Variants in GCH1 observed in about 807,000 individuals in gnomAD.
The protein encoded by GCH1 is GTP cyclohydrolase 1, also known as GTP cyclohydrolase I.
Under a neutral mutation model 25.9 loss-of-function variants are expected in GCH1, and 5 were observed. That is an observed-to-expected ratio of 0.19 (90% CI 0.10 to 0.41). The LOEUF (loss-of-function observed/expected upper bound fraction) is 0.41, where lower values mean the gene tolerates loss of function less well. Among genes scored for constraint, GCH1 ranks in the 10% least tolerant of loss-of-function variants. GCH1 has a pLI of 1.00. For missense variants in GCH1, 261 were observed against 336.5 expected, an observed-to-expected ratio of 0.78 and a Z score of 1.75; for synonymous variants, 159 against 129.6, an observed-to-expected ratio of 1.23 and a Z score of -1.54.
chr14:54,880,902 G>A (rs1338367564), intron 1 of GCH1, among the ~76,000 whole-genome samples: 4 of 146,000 alleles, frequency 2.7e-5, no homozygotes, highest in South Asian at 2.1e-4. Context: ...TCGGCTTACC[G>A]CAACCTCCAC....
Position 54,875,186 on chromosome 14 carries a change from G to A in GCH1, c.344-9750C>T, listed in dbSNP as rs576666343. On this transcript the variant is annotated intron_variant, in intron 1 of 5. Transcript: ENST00000491895. ...TAATGCCGCATATCTACAACCATCC[G>A]ATCTTTGACAAACCTGACAAAAACA... Among the ~76,000 whole-genome samples, 179 of 152,224 alleles carry A rather than the reference G, an allele frequency of 1.2e-3. 1 individual carries two copies. The highest frequency in any genetic ancestry group is 2.5e-3 in the Admixed American group (38 of 15,290).
chr14:54,844,878 A>G (rs1489336084), intron 5 of GCH1, among the ~76,000 whole-genome samples: 1 of 152,236 alleles, frequency 6.6e-6, no homozygotes, highest in African/African-American at 2.4e-5. Context: ...TCAAGAGAAG[A>G]CATAAAAATG....
At chr14:54,881,313 C>A (rs181456274) in intron 1 of GCH1, among the ~76,000 whole-genome samples, 5 of 152,244 alleles carry the variant, frequency 3.3e-5, no homozygotes, top group Admixed American at 6.5e-5. Flanking sequence ...GTGCTGCAAA[C>A]TCTTTCAAAA....
Position 54,843,544 on chromosome 14 carries a change from A to G in GCH1, c.*473T>C. ...GGTTTAATAAACATGACCAAAGTGA[A>G]GTCTGTTGAACTTGAATTCACAGAG... On this transcript the variant is annotated 3_prime_UTR_variant, in exon 6 of 6. Transcript: ENST00000491895. The G allele has an allele frequency of 7.4e-7, 1 of 1,354,672 alleles. No homozygotes were observed. Among genetic ancestry groups the G allele is most frequent in the Non-Finnish European group, 9.5e-7 (1 of 1,054,334 alleles). 83.9% of individuals were successfully genotyped at this position (1,354,672 alleles called of 1,614,324 possible).
At chr14:54,865,960 G>A (rs545741428) in intron 1 of GCH1, among the ~76,000 whole-genome samples, 3 of 152,148 alleles carry the variant, frequency 2.0e-5, no homozygotes, top group Non-Finnish European at 4.4e-5. Flanking sequence ...ATATATTGTA[G>A]GCTAGCATCA....
chr14:54,878,021 C>T (rs955597306), intron 1 of GCH1: 3 of 153,122 alleles, frequency 2.0e-5, no homozygotes, highest in Non-Finnish European at 2.9e-5. Flanking sequence ...TGCTGCTACA[C>T]AGAAACTTCA....
intron 3 of GCH1, among the ~76,000 whole-genome samples, chr14:54,849,489 T>C (rs997484344): frequency 8.5e-5 from 13 of 152,326 alleles, no homozygotes; most frequent in African/African-American, 2.9e-4. Flanking sequence ...TGCTGTTGCC[T>C]TTTAGATAAT....
At chr14:54,900,818 A>C (rs1279155461) in intron 1 of GCH1, among the ~76,000 whole-genome samples, 2 of 150,548 alleles carry the variant, frequency 1.3e-5, no homozygotes, top group African/African-American at 2.4e-5. Flanking sequence ...GGCCTTAAGA[A>C]GACATTTCAT....
chr14:54,891,749 T>C (rs1380957189), intron 1 of GCH1, among the ~76,000 whole-genome samples: 1 of 152,180 alleles, frequency 6.6e-6, no homozygotes, highest in Non-Finnish European at 1.5e-5. Context: ...ATTCTGAGTA[T>C]TGCGATGAAA....
At chr14:54,894,570 T>C (rs1323702858) in intron 1 of GCH1, among the ~76,000 whole-genome samples, 2 of 152,190 alleles carry the variant, frequency 1.3e-5, no homozygotes, top group African/African-American at 2.4e-5. Context: ...AGGCTTTGCT[T>C]GCTATAGTGA....
Position 54,902,481 on chromosome 14 carries a change from C to T in GCH1, c.183G>A (p.Glu61=), listed in dbSNP as rs1396115931. The T allele has an allele frequency of 6.2e-7, 1 of 1,611,226 alleles. No individual in the cohort carries two copies. The highest frequency in any genetic ancestry group is 8.5e-7 in the Non-Finnish European group (1 of 1,179,322). Reference sequence around the variant, plus strand: ...TAGGGAGGTTCAGCTCGTTATCCTCCTCGCTGCGGGGCCGCTCGCCCTTCC... The same window carrying T: ...TAGGGAGGTTCAGCTCGTTATCCTCTTCGCTGCGGGGCCGCTCGCCCTTCC... The part of the protein sequence containing the change: ...DGWKGERPRS[E]EDNELNLPNL... The change falls in exon 1 of 6, where the codon GAG becomes GAA. Residue 61 remains glutamate, a synonymous_variant. Coordinates refer to ENST00000491895, the MANE Select transcript of GCH1 (RefSeq NM_000161.3).
intron 1 of GCH1, among the ~76,000 whole-genome samples, chr14:54,867,612 A>G (rs1203433127): frequency 6.6e-6 from 1 of 150,896 alleles, no homozygotes; most frequent in Admixed American, 6.6e-5. Flanking sequence ...AAAAAAAAAA[A>G]AAGATCTGGC....
chr14:54,879,984 CAAAAAAAAAAAAA>C (rs35476604), intron 1 of GCH1, among the ~76,000 whole-genome samples: 2 of 49,610 alleles, frequency 4.0e-5, no homozygotes, highest in Non-Finnish European at 7.8e-5. Context: ...GGCTCTGTCT[CAAAAAAAAAAAAA>C]AAAAAAAAAA....
At chr14:54,884,752 A>G (rs2040323487) in intron 1 of GCH1, 1 of 152,282 alleles carries the variant, frequency 6.6e-6, no homozygotes, top group South Asian at 2.1e-4. Flanking sequence ...CCTGGGCAAC[A>G]AGAGTGAAAC....
chr14:54,842,924 C>G lies in GCH1; in HGVS notation c.*1093G>C. On this transcript the variant is annotated 3_prime_UTR_variant, in exon 6 of 6. Transcript: ENST00000491895. ...CCACAAAGGAAACCGGGACCAGAAG[C>G]TTCCAGTGCATTTTCACAGATCGTT... 1.6e-6 allele frequency: 1 copy of G among 633,420 alleles called. No individual in the cohort carries two copies. Among genetic ancestry groups the G allele is most frequent in the Non-Finnish European group, 2.9e-6 (1 of 347,086 alleles). The allele number at this position is 633,420 out of a possible 1,614,324, so 39.2% of individuals were successfully genotyped here.
chr14:54,843,916 A>G lies in GCH1; in HGVS notation c.*101T>C, dbSNP rs760496855. The G allele has an allele frequency of 1.5e-5, 24 of 1,611,300 alleles. No homozygotes were observed. Among genetic ancestry groups the G allele is most frequent in the African/African-American group, 1.3e-5 (1 of 74,892 alleles). On this transcript the variant is annotated 3_prime_UTR_variant, in exon 6 of 6. Coordinates refer to ENST00000491895, the MANE Select transcript of GCH1 (RefSeq NM_000161.3). ...ATTAGTGACAAGGAATAAAGTTCAC[A>G]TCTGTAACAATTGAAAATGGAATGT...
At chr14:54,879,760 G>C (rs144515289) in intron 1 of GCH1, among the ~76,000 whole-genome samples, 2,381 of 152,174 alleles carry the variant, frequency 0.016, 34 homozygotes, top group South Asian at 0.047. Context: ...AGCACGTTCG[G>C]AGGCCGATGA....
chr14:54,871,244 G>C (rs903808837), intron 1 of GCH1, among the ~76,000 whole-genome samples: 1 of 152,208 alleles, frequency 6.6e-6, no homozygotes, highest in Non-Finnish European at 1.5e-5. Flanking sequence ...ACAGGGTCTG[G>C]AGTGGACCTC....
intron 1 of GCH1, chr14:54,884,900 A>C (rs1331301569): frequency 6.5e-6 from 1 of 153,392 alleles, no homozygotes; most frequent in African/African-American, 2.4e-5. Flanking sequence ...GGCTGGGGGC[A>C]GTGGTGCAAC....
Sources: allele counts gnomAD v4.1 joint callset (sites outside exome capture counted in the v4.1 genomes callset), GRCh38; gene constraint gnomAD v4.1.1; transcripts MANE v1.5; gene names NCBI Gene and HGNC (gene_info 2026-07-23, HGNC 2026-07-21).